Variants in TAFA5 observed in about 807,000 individuals in gnomAD.
The protein encoded by TAFA5 is chemokine-like protein TAFA-5.
In TAFA5, 6 loss-of-function variants were observed where a neutral mutation model predicts 15.3. The observed-to-expected ratio is 0.39, with a 90% confidence interval of 0.21 to 0.77. The LOEUF (loss-of-function observed/expected upper bound fraction) is 0.77, where lower values mean the gene tolerates loss of function less well. TAFA5 is among the 30% of genes least tolerant of loss of function. The pLI is 0.41. For missense variants in TAFA5, 161 were observed against 193.1 expected, an observed-to-expected ratio of 0.83 and a Z score of 0.98; for synonymous variants, 103 against 80.7, an observed-to-expected ratio of 1.28 and a Z score of -1.48.
At chr22:48,705,297 G>A (rs541906917) in intron 2 of TAFA5, among the ~76,000 whole-genome samples, 16 of 152,158 alleles carry the variant, frequency 1.1e-4, no homozygotes, top group African/African-American at 2.9e-4. Flanking sequence ...GTCCTCTGCC[G>A]TGGGTGCTGT....
chr22:48,599,813 G>A (rs1053371055), intron 1 of TAFA5, among the ~76,000 whole-genome samples: 1 of 152,328 alleles, frequency 6.6e-6, no homozygotes. Flanking sequence ...TGTGCTATGT[G>A]GGGGGTTGAG....
intron 1 of TAFA5, among the ~76,000 whole-genome samples, chr22:48,578,201 G>C (rs537748126): frequency 6.0e-4 from 91 of 152,354 alleles, no homozygotes; most frequent in Admixed American, 2.2e-3. Flanking sequence ...CTGAGGTCCA[G>C]GTGCCCAGCT....
intron 1 of TAFA5, among the ~76,000 whole-genome samples, chr22:48,585,001 ACAC>A (rs749096076): frequency 4.7e-5 from 7 of 148,348 alleles, no homozygotes; most frequent in Non-Finnish European, 1.0e-4. Context: ...GTACACACAC[ACAC>A]CACATGCAGA....
intron 1 of TAFA5, among the ~76,000 whole-genome samples, chr22:48,509,048 T>C (rs1921114181): frequency 6.6e-6 from 1 of 152,236 alleles, no homozygotes; most frequent in African/African-American, 2.4e-5. Context: ...TACGTATGAA[T>C]GAGAACAGGA....
At chr22:48,680,096 G>T (rs1222425473) in intron 2 of TAFA5, among the ~76,000 whole-genome samples, 2 of 152,208 alleles carry the variant, frequency 1.3e-5, no homozygotes, top group Non-Finnish European at 1.5e-5. Flanking sequence ...CTGCAGCCCC[G>T]GTGGGTGTGG....
rs183075833 is a variant in TAFA5, at chr22:48,532,123, G to T, written c.112+42419G>T. Among the ~76,000 whole-genome samples the T allele has an allele frequency of 2.0e-5, 3 of 152,354 alleles. No homozygotes were observed. The East Asian group carries it at 5.8e-4, about 29-fold the overall frequency. On this transcript the variant is annotated intron_variant, in intron 1 of 3. Transcript: ENST00000402357. The stretch of plus-strand genomic sequence containing the variant: ...GACGAGGAACCCCTTGGTGCTTTCT[G>T]TTCTCTGATGAAGAGGAGGGATCTC...
chr22:48,601,155 C>T (rs1225585271), intron 1 of TAFA5, among the ~76,000 whole-genome samples: 1 of 152,200 alleles, frequency 6.6e-6, no homozygotes, highest in Non-Finnish European at 1.5e-5. Context: ...CACACTTTGT[C>T]ATAGGTTTGT....
chr22:48,647,286 T>A (rs952825981), intron 2 of TAFA5, among the ~76,000 whole-genome samples: 5 of 152,148 alleles, frequency 3.3e-5, no homozygotes, highest in Non-Finnish European at 7.4e-5. Flanking sequence ...CCCCGGCCCC[T>A]AGAAGTCAAG....
intron 1 of TAFA5, among the ~76,000 whole-genome samples, chr22:48,635,609 C>A (rs1926417625): frequency 6.6e-6 from 1 of 152,236 alleles, no homozygotes; most frequent in African/African-American, 2.4e-5. Context: ...GTCCCACCAG[C>A]ACTCCCCCTT....
At chr22:48,700,645 G>C (rs116133879) in intron 2 of TAFA5, among the ~76,000 whole-genome samples, 1 of 152,174 alleles carries the variant, frequency 6.6e-6, no homozygotes, top group African/African-American at 2.4e-5. Context: ...ACGTGGATGT[G>C]CATGTTTGCC....
chr22:48,531,225 G>A (rs968492091), intron 1 of TAFA5, among the ~76,000 whole-genome samples: 5 of 152,162 alleles, frequency 3.3e-5, no homozygotes, highest in Admixed American at 1.3e-4. Flanking sequence ...GAGCTCAGAT[G>A]TGTGGCCGCA....
chr22:48,743,811 G>A (rs905579713), intron 3 of TAFA5, among the ~76,000 whole-genome samples: 3 of 152,198 alleles, frequency 2.0e-5, no homozygotes, highest in South Asian at 2.1e-4. Context: ...CAGGTGCCTT[G>A]TTTATGGCAG....
chr22:48,704,464 A>G (rs938196898), intron 2 of TAFA5, among the ~76,000 whole-genome samples: 5 of 152,116 alleles, frequency 3.3e-5, no homozygotes, highest in Non-Finnish European at 5.9e-5. Context: ...GGGAAGACGC[A>G]TGACAGATTC....
chr22:48,734,921 G>A (rs1929965607), intron 3 of TAFA5, among the ~76,000 whole-genome samples: 1 of 152,154 alleles, frequency 6.6e-6, no homozygotes, highest in Non-Finnish European at 1.5e-5. Context: ...CAGAGTAAAG[G>A]ATAAAGGAAA....
chr22:48,659,055 G>A (rs188964326), intron 2 of TAFA5, among the ~76,000 whole-genome samples: 2 of 152,340 alleles, frequency 1.3e-5, no homozygotes, highest in Admixed American at 1.3e-4. Flanking sequence ...AGCAGAGTCC[G>A]GGGCAAGTCT....
intron 1 of TAFA5, among the ~76,000 whole-genome samples, chr22:48,493,788 G>T (rs749606934): frequency 6.6e-6 from 1 of 152,156 alleles, no homozygotes; most frequent in Non-Finnish European, 1.5e-5. Context: ...ATTTTCCCAC[G>T]CAGGGACCCC....
chr22:48,635,089 G>T (rs527984246), intron 1 of TAFA5, among the ~76,000 whole-genome samples: 1 of 152,368 alleles, frequency 6.6e-6, no homozygotes, highest in Non-Finnish European at 1.5e-5. Context: ...TGGGCCTGGG[G>T]CCTGGGGACG....
At chr22:48,743,333 C>T (rs61164717) in intron 3 of TAFA5, among the ~76,000 whole-genome samples, 26,070 of 152,206 alleles carry the variant, frequency 0.17, 2,399 homozygotes, top group Admixed American at 0.27. Flanking sequence ...GCGTGGCTCC[C>T]GCCTCTGTCT....
In TAFA5 at chr22:48,664,008, G is replaced by T. The variant is rs141460126; in HGVS notation, c.262+17262G>T. ...AAAAATCACATGCTGAGGTTGCTAA[G>T]ATCTACAGTAAAAAATCTTCTATCC... is the stretch of plus-strand genomic sequence containing the variant. On this transcript the variant is annotated intron_variant, in intron 2 of 3. Coordinates refer to ENST00000402357, the MANE Select transcript of TAFA5 (RefSeq NM_001082967.3). Among the ~76,000 whole-genome samples the T allele has an allele frequency of 5.3e-5, 8 of 152,318 alleles. No individual in the cohort carries two copies. The East Asian group carries it at 1.5e-3, about 29-fold the overall frequency.
Sources: allele counts gnomAD v4.1 joint callset (sites outside exome capture counted in the v4.1 genomes callset), GRCh38; gene constraint gnomAD v4.1.1; transcripts MANE v1.5; gene names NCBI Gene and HGNC (gene_info 2026-07-23, HGNC 2026-07-21).